The following EP300 variants were observed in gnomAD, a reference collection of about 807,000 sequenced individuals.
EP300 encodes the protein EP300 lysine acetyltransferase.
A neutral mutation model predicts 264.0 loss-of-function variants in EP300; 31 were observed. The observed-to-expected ratio is 0.12, with a 90% confidence interval of 0.09 to 0.16. EP300 has a LOEUF of 0.16. EP300 is among the 10% of genes least tolerant of loss of function. The pLI is 1.00. For missense variants in EP300, 2,766 were observed against 3,052.9 expected (o/e 0.91, Z 2.21); for synonymous variants, 1,340 against 1,045.4 (o/e 1.28, Z -5.44).
At chr22:41,138,471 GC>G (rs1262889308) in intron 8 of EP300, among the ~76,000 whole-genome samples, 1 of 152,092 alleles carries the variant, frequency 6.6e-6, no homozygotes, top group African/African-American at 2.4e-5. Flanking sequence ...TCCTGGTAGA[GC>G]TTTTATTATG....
At chr22:41,169,404 C>T (rs995941806) in intron 25 of EP300, 99 bp from the exon 26 acceptor site, 2 of 782,834 alleles carry the variant, frequency 2.6e-6, no homozygotes, top group Non-Finnish European at 4.5e-6. Flanking sequence ...GAGCAAAGAG[C>T]CTGGGAGAGT....
At chr22:41,173,531 T>A in intron 28 of EP300, 92 bp from the exon 29 acceptor site, 1 of 1,276,092 alleles carries the variant, frequency 7.8e-7, no homozygotes, top group Non-Finnish European at 1.1e-6. Flanking sequence ...AAGATTATGA[T>A]ATCTAGTTTC....
At chr22:41,170,171 A>G (rs1025870164) in intron 26 of EP300, among the ~76,000 whole-genome samples, 1 of 152,242 alleles carries the variant, frequency 6.6e-6, no homozygotes, top group Non-Finnish European at 1.5e-5. Flanking sequence ...TGAGATTCGC[A>G]ACATCCCACC....
chr22:41,126,150 G>T (rs969742708), intron 3 of EP300, 110 bp downstream of exon 3: 77 of 1,115,818 alleles, frequency 6.9e-5, no homozygotes, highest in Non-Finnish European at 3.2e-5. Flanking sequence ...CCCACTAGGA[G>T]CCTAAATTGA....
rs528700370 is a variant in EP300 at position 41,112,683 on chromosome 22, T to C, written c.95-4504T>C. On this transcript the variant is annotated intron_variant, in intron 1 of 30. Coordinates refer to ENST00000263253, the MANE Select transcript of EP300 (RefSeq NM_001429.4). ...AGAAGATTGGCCTGTGTTTTTCTTA[T>C]ATTGGCCATGTGTAATTTTTATATT... Among the ~76,000 whole-genome samples, 52 of 149,324 alleles carry C rather than the reference T, an allele frequency of 3.5e-4. No individual in the cohort carries two copies. The Middle Eastern group carries it at 0.01, about 30-fold the overall frequency.
At chr22:41,093,261 A>G (rs1462575846) in intron 1 of EP300, among the ~76,000 whole-genome samples, 163 bp downstream of exon 1, 3 of 151,986 alleles carry the variant, frequency 2.0e-5, no homozygotes, top group Non-Finnish European at 2.9e-5. Context: ...CAGTAGCCCA[A>G]CCATTTTCTT....
chr22:41,174,620 G>T (rs1023219857), intron 29 of EP300: 1 of 151,542 alleles, frequency 6.6e-6, no homozygotes, highest in Non-Finnish European at 1.5e-5. Context: ...AATTGATAAC[G>T]AAAGCCAGGA....
intron 10 of EP300, 54 bp downstream of exon 10, chr22:41,141,276 T>C: frequency 1.9e-6 from 3 of 1,568,868 alleles, no homozygotes; most frequent in South Asian, 2.2e-5. Flanking sequence ...TAAAATAGTT[T>C]CTATCTAAAG....
chr22:41,172,106 A>ATTTT (rs2059174268), intron 27 of EP300, among the ~76,000 whole-genome samples: 1 of 152,162 alleles, frequency 6.6e-6, no homozygotes, highest in Non-Finnish European at 1.5e-5. Context: ...CTGTCAGTAA[A>ATTTT]AGCTGCTGAA....
intron 1 of EP300, among the ~76,000 whole-genome samples, chr22:41,094,996 A>C (rs987508362): frequency 2.6e-5 from 4 of 152,022 alleles, no homozygotes; most frequent in Admixed American, 6.6e-5. Flanking sequence ...TTAAAAAAAA[A>C]CTCAACATTG....
intron 9 of EP300, 135 bp downstream of exon 9, chr22:41,140,392 C>G: frequency 1.3e-6 from 1 of 774,598 alleles, no homozygotes; most frequent in Non-Finnish European, 2.3e-6. Context: ...TTATTGTCCC[C>G]AAGCATAGTT....
chr22:41,175,267 C>CCA (rs2059193693), intron 29 of EP300, among the ~76,000 whole-genome samples: 1 of 87,284 alleles, frequency 1.1e-5, no homozygotes, highest in Non-Finnish European at 2.4e-5. Flanking sequence ...ACATTGCTGG[C>CCA]CAGAGACTGT....
At chr22:41,176,661 A>C in intron 30 of EP300, 112 bp from the exon 31 acceptor site, 1 of 1,609,448 alleles carries the variant, frequency 6.2e-7, no homozygotes, top group Non-Finnish European at 8.5e-7. Flanking sequence ...AGAGCTGAAG[A>C]GGCTAGTTTT....
intron 29 of EP300, among the ~76,000 whole-genome samples, chr22:41,174,295 G>C (rs2059187667): frequency 6.6e-6 from 1 of 152,122 alleles, no homozygotes; most frequent in South Asian, 2.1e-4. Context: ...AATTAGCCTG[G>C]CGTGGTGGCA....
chr22:41,101,175 A>G (rs2145676776), intron 1 of EP300, among the ~76,000 whole-genome samples: 1 of 151,950 alleles, frequency 6.6e-6, no homozygotes, highest in East Asian at 1.9e-4. Flanking sequence ...CCTGGGTTCA[A>G]GCTATTCTCC....
intron 1 of EP300, among the ~76,000 whole-genome samples, chr22:41,113,373 T>G (rs1324336180): frequency 1.3e-5 from 2 of 152,170 alleles, no homozygotes; most frequent in Non-Finnish European, 2.9e-5. Flanking sequence ...TCCAAAAAAC[T>G]AACTTCTAGT....
intron 29 of EP300, chr22:41,175,915 A>G (rs1424746438): frequency 2.9e-6 from 1 of 350,480 alleles, no homozygotes; most frequent in African/African-American, 2.1e-5. Context: ...CTAACTCAGC[A>G]TTCGCCAGTC....
rs368808210 is a variant in EP300 at position 41,119,177 on chromosome 22, T to TATTATTA, written c.729+1356_729+1357insATTATTA. Among the ~76,000 whole-genome samples the TATTATTA allele has an allele frequency of 3.5e-3, 456 of 130,510 alleles. 21 individuals are homozygous for TATTATTA. Among genetic ancestry groups the TATTATTA allele is most frequent in the South Asian group, 0.013 (57 of 4,236 alleles). 85.6% of individuals were successfully genotyped at this position (130,510 alleles called of 152,430 possible). ...ACCACCATGCCTGGCTTATTATTAT[T>TATTATTA]TTTTTTTTTTTTTTTTTTTTTTTTA... On this transcript the variant is annotated intron_variant, in intron 2 of 30. Transcript: ENST00000263253.
In EP300 at chr22:41,149,917, C is replaced by T. The variant is rs886057560; in HGVS notation, c.2536C>T (p.Pro846Ser). 6.2e-7 allele frequency: 1 copy of T among 1,613,906 alleles called. No homozygotes were observed. The highest frequency in any genetic ancestry group is 1.1e-5 in the South Asian group (1 of 91,054). The change falls in exon 14 of 31, where the codon CCC becomes TCC. Residue 846 changes from proline (P) to serine (S), a missense_variant. Physicochemically the swap from Pro to Ser is moderately conservative, Grantham distance 74. Coordinates refer to ENST00000263253, the MANE Select transcript of EP300 (RefSeq NM_001429.4). The stretch of plus-strand genomic sequence containing the variant: ...TCGTACCCCCACCCCTCACCATACT[C>T]CCCCAAGCATAGGGGCTCAGCAGCC... The part of the protein sequence containing the change: ...PSRTPTPHHT[P>S]PSIGAQQPPA...
Sources: gnomAD v4.1 joint callset for allele counts (sites outside exome capture counted in the v4.1 genomes callset) on GRCh38, gnomAD v4.1.1 for gene constraint, MANE v1.5 for transcripts, NCBI Gene and HGNC (gene_info 2026-07-23, HGNC 2026-07-21) for gene names.